RAB29: variants seen among roughly 807,000 people sequenced by gnomAD.
The protein encoded by RAB29 is ras-related protein Rab-29.
RAB29 carries 13 observed loss-of-function variants against 25.5 expected under a neutral mutation model. The ratio of observed to expected loss-of-function variants is 0.51; its 90% CI spans 0.33 to 0.81. The LOEUF (loss-of-function observed/expected upper bound fraction) is 0.81, where lower values mean the gene tolerates loss of function less well. Ranked by LOEUF, RAB29 falls within the 30% of genes least tolerant of loss-of-function variation. The pLI, the probability that RAB29 is intolerant of heterozygous loss-of-function variation, is 0.02. For missense variants in RAB29, 201 were observed against 254.9 expected (o/e 0.79, Z 1.44); for synonymous variants, 88 against 95.0 (o/e 0.93, Z 0.43).
chr1:205,774,794 C>CGACA, intron 2 of RAB29, 39 bp downstream of exon 2: 2 of 1,419,272 alleles, frequency 1.4e-6, no homozygotes, highest in South Asian at 1.2e-5. Context: ...TCGGGGCCTC[C>CGACA]TCCTCCCCCT....
chr1:205,774,300 C>T (rs2102484501), intron 2 of RAB29, among the ~76,000 whole-genome samples: 1 of 152,336 alleles, frequency 6.6e-6, no homozygotes, highest in East Asian at 1.9e-4. Context: ...GTCTTCCATC[C>T]CACCCACAGC....
intron 3 of RAB29, 57 bp downstream of exon 3, chr1:205,772,439 G>C (rs1431508689): frequency 6.5e-7 from 1 of 1,549,070 alleles, no homozygotes; most frequent in Non-Finnish European, 8.9e-7. Flanking sequence ...TTTCCTCAGA[G>C]CTTTCTAGTT....
In RAB29 at chr1:205,770,369, G is replaced by A; in HGVS notation, c.585C>T (p.Thr195=). Residue 195 remains threonine (T), a synonymous_variant, in exon 6 of 6, where the codon ACC becomes ACT. Transcript: ENST00000367139. ...AGCAGCAGGACCAGCTGGAGGACTT[G>A]GTTTGTAGATTGATGTAGTCCCCTT... ...STQGDYINLQ[T]KSSSWSCC is the part of the protein sequence containing the mutation. 1 of 1,613,924 alleles carries A rather than the reference G, an allele frequency of 6.2e-7. No individual in the cohort carries two copies. The highest frequency in any genetic ancestry group is 8.5e-7 in the Non-Finnish European group (1 of 1,179,820).
At chr1:205,774,798 T>TGCC in intron 2 of RAB29, 35 bp downstream of exon 2, 94 of 658,476 alleles carry the variant, frequency 1.4e-4, no homozygotes, top group Non-Finnish European at 2.2e-4. Context: ...GGCCTCCTCC[T>TGCC]CCCCCTCCCC....
intron 3 of RAB29, among the ~76,000 whole-genome samples, chr1:205,772,084 G>A (rs1180578296): frequency 6.6e-6 from 1 of 152,098 alleles, no homozygotes; most frequent in Non-Finnish European, 1.5e-5. Flanking sequence ...TTATGATAGG[G>A]TTGATGTGAG....
intron 2 of RAB29, among the ~76,000 whole-genome samples, chr1:205,773,038 A>C (rs1271948288): frequency 6.6e-6 from 1 of 152,190 alleles, no homozygotes; most frequent in Non-Finnish European, 1.5e-5. Context: ...GGAACTCTAC[A>C]TCCACCATAA....
chr1:205,771,033 T>A, intron 4 of RAB29, 179 bp from the exon 5 acceptor site: 1 of 826,684 alleles, frequency 1.2e-6, no homozygotes. Flanking sequence ...GCGCAGTGGC[T>A]CACGCCTGTA....
intron 2 of RAB29, among the ~76,000 whole-genome samples, chr1:205,773,161 C>T (rs1320080095): frequency 1.3e-5 from 2 of 152,190 alleles, no homozygotes; most frequent in Non-Finnish European, 2.9e-5. Context: ...GAATCTACCA[C>T]CAAGTCTGCA....
intron 2 of RAB29, 34 bp downstream of exon 2, chr1:205,774,799 C>CCCCCCG: frequency 1.5e-6 from 1 of 680,966 alleles, no homozygotes; most frequent in Non-Finnish European, 2.6e-6. Flanking sequence ...GCCTCCTCCT[C>CCCCCCG]CCCCTCCCCC....
chr1:205,770,376 A>C lies in RAB29; in HGVS notation c.578T>G (p.Leu193Arg), dbSNP rs1436309219. The C allele has an allele frequency of 6.2e-7, 1 of 1,614,172 alleles. No homozygotes were observed. Among genetic ancestry groups the C allele is most frequent in the Non-Finnish European group, 8.5e-7 (1 of 1,179,972 alleles). Residue 193 changes from leucine to arginine, a missense_variant, in exon 6 of 6, where the codon CTA becomes CGA. Transcript: ENST00000367139. ...SLSTQGDYIN[L>R]QTKSSSWSCC ...GGACCAGCTGGAGGACTTGGTTTGT[A>C]GATTGATGTAGTCCCCTTGGGTGGA...
In RAB29 at chr1:205,769,275, C is replaced by G. The variant is rs1654868177; in HGVS notation, c.*1067G>C. The stretch of plus-strand genomic sequence containing the variant: ...GGAGCAGACCTATTTCGAAGCATCA[C>G]AGCCAGCTGATGTCACTTGCAGTAT... On this transcript the variant is annotated 3_prime_UTR_variant, in exon 6 of 6. Transcript: ENST00000367139. 1 of 152,200 alleles carries G rather than the reference C, an allele frequency of 6.6e-6. No homozygotes were observed. Among genetic ancestry groups the G allele is most frequent in the African/African-American group, 2.4e-5 (1 of 41,456 alleles). The allele number at this position is 152,200 out of a possible 1,614,324, so 9.4% of individuals were successfully genotyped here.
Position 205,770,777 on chromosome 1 carries a change from T to C in RAB29, c.456A>G (p.Thr152=). Residue 152 remains threonine, a synonymous_variant, in exon 5 of 6, where the codon ACA becomes ACG. Coordinates refer to ENST00000367139, the MANE Select transcript of RAB29 (RefSeq NM_003929.3). ...FSKENGFTGW[T]ETSVKENKNI... The stretch of plus-strand genomic sequence containing the variant: ...TTTTGTTCTCCTTGACTGATGTTTC[T>C]GTCCAACCTGTGAAACCGTTCTCTT... 1 of 1,614,226 alleles carries C rather than the reference T, an allele frequency of 6.2e-7. No homozygotes were observed. The highest frequency in any genetic ancestry group is 1.7e-5 in the Admixed American group (1 of 60,024).
rs1400199413 is a variant in RAB29 at position 205,774,766 on chromosome 1, C to G, written c.124+67G>C. The G allele has an allele frequency of 2.0e-6, 3 of 1,519,446 alleles. No homozygotes were observed. In the Admixed American group the frequency reaches 5.9e-5, roughly 30 times the overall value. The allele number at this position is 1,519,446 out of a possible 1,614,324, so 94.1% of individuals were successfully genotyped here. On this transcript the variant is annotated intron_variant, in intron 2 of 5. Coordinates refer to ENST00000367139, the MANE Select transcript of RAB29 (RefSeq NM_003929.3). ...AGCAAATCCCCACCCCACTTGGGTC[C>G]CCAGCTCGAGTCCGCGGTCGGGGCC...
At position 205,768,505 on chromosome 1, in the gene RAB29, TGAG is replaced by T. The variant is rs1654820477; in HGVS notation, c.*1834_*1836del. The T allele has an allele frequency of 6.6e-6, 1 of 150,718 alleles. No individual in the cohort carries two copies. The highest frequency in any genetic ancestry group is 1.5e-5 in the Non-Finnish European group (1 of 67,864). 9.3% of individuals were successfully genotyped at this position (150,718 alleles called of 1,614,324 possible). ...CCTAGAAATTCTGATTCAGTAGGTT[TGAG>T]GTCGGGACCCAAAAATCTTTTTCTT... is the stretch of plus-strand genomic sequence containing the variant. On this transcript the variant is annotated 3_prime_UTR_variant, in exon 6 of 6. Coordinates refer to ENST00000367139, the MANE Select transcript of RAB29 (RefSeq NM_003929.3).
chr1:205,769,236 T>G lies in RAB29; in HGVS notation c.*1106A>C, dbSNP rs745382905. On this transcript the variant is annotated 3_prime_UTR_variant, in exon 6 of 6. Transcript: ENST00000367139. ...CTCTCTTTTCTTCTTCCATTCAGAT[T>G]CCCAAAGCTGTGAGGAGCAGACCTA... is the stretch of plus-strand genomic sequence containing the variant. 1 of 152,096 alleles carries G rather than the reference T, an allele frequency of 6.6e-6. No homozygotes were observed. Among genetic ancestry groups the G allele is most frequent in the Non-Finnish European group, 1.5e-5 (1 of 68,042 alleles). The allele number at this position is 152,096 out of a possible 1,614,324, so 9.4% of individuals were successfully genotyped here.
intron 3 of RAB29, 52 bp from the exon 4 acceptor site, chr1:205,771,705 C>T (rs1471865599): frequency 2.6e-6 from 4 of 1,541,882 alleles, no homozygotes; most frequent in Non-Finnish European, 3.6e-6. Flanking sequence ...GGCCTCTCCC[C>T]ATTCCTTGTA....
At position 205,774,843 on chromosome 1, in the gene RAB29, G is replaced by C; in HGVS notation, c.114C>G (p.Ser38=). 6.2e-7 allele frequency: 1 copy of C among 1,606,278 alleles called. No homozygotes were observed. Among genetic ancestry groups the C allele is most frequent in the Non-Finnish European group, 8.5e-7 (1 of 1,175,952 alleles). The part of the protein sequence containing the change: ...SQDSFSKHYK[S]TVGVDFALKV... ...CCCGAGACGTCTCACCTCCCACCGT[G>C]GACTTGTAGTGTTTGCTGAAGCTGT... Residue 38 remains serine (S), a synonymous_variant, in exon 2 of 6, where the codon TCC becomes TCG. Transcript: ENST00000367139.
chr1:205,773,826 G>T (rs1306047926), intron 2 of RAB29, among the ~76,000 whole-genome samples: 1 of 152,116 alleles, frequency 6.6e-6, no homozygotes, highest in South Asian at 2.1e-4. Context: ...TTCTTAAGGA[G>T]AATGTTTTAA....
At position 205,774,963 on chromosome 1, in the gene RAB29, CG is replaced by C. The variant is rs1438760665; in HGVS notation, c.-8del. The C allele has an allele frequency of 2.5e-6, 4 of 1,613,276 alleles. No individual in the cohort carries two copies. Among genetic ancestry groups the C allele is most frequent in the Admixed American group, 3.3e-5 (2 of 60,010 alleles). ...GGTGGTCGCGGCTGCCCATGGCTAG[CG>C]GGGTGTGCGTTTTAGGGAGGCGGGA... On this transcript the variant is annotated 5_prime_UTR_variant, in exon 2 of 6. Coordinates refer to ENST00000367139, the MANE Select transcript of RAB29 (RefSeq NM_003929.3).
Sources: allele counts gnomAD v4.1 joint callset (sites outside exome capture counted in the v4.1 genomes callset), GRCh38; gene constraint gnomAD v4.1.1; transcripts MANE v1.5; gene names NCBI Gene and HGNC (gene_info 2026-07-23, HGNC 2026-07-21).